CLN6: variants seen among roughly 807,000 people sequenced by gnomAD.
CLN6 encodes CLN6 transmembrane ER protein.
CLN6 carries 22 observed loss-of-function variants against 33.3 expected under a neutral mutation model. The ratio of observed to expected loss-of-function variants is 0.66; its 90% CI spans 0.47 to 0.94. The LOEUF (loss-of-function observed/expected upper bound fraction) is 0.94, where lower values mean the gene tolerates loss of function less well. Ranked by LOEUF, CLN6 falls within the 40% of genes least tolerant of loss-of-function variation. The pLI, the probability that CLN6 is intolerant of heterozygous loss-of-function variation, is 0.00. For synonymous variants in CLN6, 201 were observed against 174.6 expected, an observed-to-expected ratio of 1.15 and a Z score of -1.19; for missense variants, 387 against 417.1, an observed-to-expected ratio of 0.93 and a Z score of 0.63.
At chr15:68,229,410 C>T (rs1595826888) in intron 1 of CLN6, 92 bp downstream of exon 1, 1 of 1,056,112 alleles carries the variant, frequency 9.5e-7, no homozygotes, top group Non-Finnish European at 1.3e-6. Flanking sequence ...CACGAGGTTC[C>T]CGCCCGGCAG....
At chr15:68,238,905 A>C (rs965253944) in intron 1 of CLN6, among the ~76,000 whole-genome samples, 6 of 152,232 alleles carry the variant, frequency 3.9e-5, no homozygotes, top group African/African-American at 1.4e-4. Context: ...GATGGTGTAT[A>C]ATTTGTGGGG....
In CLN6 at chr15:68,211,165, C is replaced by T. The variant is rs929822230; in HGVS notation, c.542+98G>A. On this transcript the variant is annotated intron_variant, in intron 5 of 6. Transcript: ENST00000249806. This position sits in a 1 kb window ranked among gnomAD's most constrained non-coding sequence, Gnocchi z 5.9. The stretch of plus-strand genomic sequence containing the variant: ...GGATGAGACTCAACACATGGAGACC[C>T]GCAGCCCAGACAGCCTTGCTCAGTG... The T allele has an allele frequency of 6.8e-6, 7 of 1,030,150 alleles. No individual in the cohort carries two copies. The highest frequency in any genetic ancestry group is 7.7e-6 in the Non-Finnish European group (5 of 647,764). 63.8% of individuals were successfully genotyped at this position (1,030,150 alleles called of 1,614,324 possible). A position where few individuals can be genotyped will look rare whatever the true frequency, so the allele number is the denominator to read the frequency against.
chr15:68,238,956 T>C (rs1433874684), intron 1 of CLN6, among the ~76,000 whole-genome samples: 1 of 152,162 alleles, frequency 6.6e-6, no homozygotes, highest in African/African-American at 2.4e-5. Flanking sequence ...ATAATATTTA[T>C]AGATGGGGGA....
At chr15:68,254,625 C>A in intron 1 of CLN6, 1 of 645,684 alleles carries the variant, frequency 1.5e-6, no homozygotes, top group Admixed American at 2.4e-5. Context: ...GCCGTTGCCG[C>A]CACCACCGTG....
In CLN6 at chr15:68,210,251, C is replaced by G. The variant is rs1282155828; in HGVS notation, c.543-492G>C. Among the ~76,000 whole-genome samples the G allele has an allele frequency of 6.6e-6, 1 of 152,014 alleles. No individual in the cohort carries two copies. Among genetic ancestry groups the G allele is most frequent in the East Asian group, 1.9e-4 (1 of 5,178 alleles). Reference sequence around the variant, plus strand: ...CCTCACCCCAAAATACTACCCTCTCCCCTCTCCACACACCGGCTCCCTTTC... The same window carrying G: ...CCTCACCCCAAAATACTACCCTCTCGCCTCTCCACACACCGGCTCCCTTTC... On this transcript the variant is annotated intron_variant, in intron 5 of 6. Coordinates refer to ENST00000249806, the MANE Select transcript of CLN6 (RefSeq NM_017882.3). The surrounding 1 kb of genome is among the most constrained non-coding windows in gnomAD (Gnocchi z 5.6).
rs1475928336 is a variant in CLN6, at chr15:68,247,671, AC to A, written c.179+9018del. Among the ~76,000 whole-genome samples, 1 of 152,154 alleles carries A rather than the reference AC, an allele frequency of 6.6e-6. No homozygotes were observed. The highest frequency in any genetic ancestry group is 1.5e-5 in the Non-Finnish European group (1 of 68,034). ...GATGTTCTCAACAGAAATAGAAAAAACAATCCTAAAATTCATATGGAACCAC... is the reference window on the plus strand; with the variant it reads ...GATGTTCTCAACAGAAATAGAAAAAAAATCCTAAAATTCATATGGAACCAC... On this transcript the variant is annotated intron_variant, in intron 1 of 6. Coordinates refer to the CLN6 transcript ENST00000538696. This position sits in a 1 kb window ranked among gnomAD's most constrained non-coding sequence, Gnocchi z 4.2.
chr15:68,239,676 A>G (rs567540082), intron 1 of CLN6, among the ~76,000 whole-genome samples: 1 of 152,346 alleles, frequency 6.6e-6, no homozygotes, highest in Admixed American at 6.5e-5. Context: ...GGGTATTTCA[A>G]TACAATGCTC....
chr15:68,215,842 T>C (rs986128007), intron 2 of CLN6, among the ~76,000 whole-genome samples: 2 of 152,138 alleles, frequency 1.3e-5, no homozygotes, highest in Non-Finnish European at 2.9e-5. Flanking sequence ...GATGTATATA[T>C]GTGTTTGTAC....
At chr15:68,250,033 A>C (rs1288405492) in intron 1 of CLN6, among the ~76,000 whole-genome samples, 1 of 152,136 alleles carries the variant, frequency 6.6e-6, no homozygotes, top group East Asian at 1.9e-4. Flanking sequence ...GGCCTCCCAA[A>C]GTGCTGGGAT....
Position 68,209,642 on chromosome 15 carries a change from G to A in CLN6, c.660C>T (p.Tyr220=). 1.9e-6 allele frequency: 3 copies of A among 1,612,780 alleles called. No individual in the cohort carries two copies. Among genetic ancestry groups the A allele is most frequent in the Non-Finnish European group, 2.5e-6 (3 of 1,179,880 alleles). ...ALLLVAPSGL[Y]YWYLVTEGQI... ...CCATGCTGATGTCCACTCACCAGTA[G>A]TACAGGCCACTGGGTGCCACCAGGA... The change falls in exon 6 of 7, where the codon TAC becomes TAT. Residue 220 remains tyrosine, a synonymous_variant. Coordinates refer to ENST00000249806, the MANE Select transcript of CLN6 (RefSeq NM_017882.3). The surrounding 1 kb of genome is among the most constrained non-coding windows in gnomAD (Gnocchi z 4.9).
upstream of CLN6, chr15:68,229,757 A>AGGGAGGCGGG (rs2141156570): frequency 1.1e-5 from 1 of 94,944 alleles, no homozygotes; most frequent in East Asian, 7.4e-5. Context: ...GGCGGGGCGG[A>AGGGAGGCGGG]GCGGAGCGGA....
intron 1 of CLN6, among the ~76,000 whole-genome samples, chr15:68,245,214 T>G (rs1477056699): frequency 6.6e-6 from 1 of 151,300 alleles, no homozygotes. Context: ...AAGTTATCGG[T>G]TTTTTTGTAA....
chr15:68,218,204 C>CGA (rs2093225824), intron 2 of CLN6: 1 of 320,624 alleles, frequency 3.1e-6, no homozygotes, highest in African/African-American at 2.1e-5. Flanking sequence ...CTTTCCTATA[C>CGA]CCCTTTGTCT....
chr15:68,227,580 AC>A lies in CLN6; in HGVS notation c.83+1921del, dbSNP rs2093256013. On this transcript the variant is annotated intron_variant, in intron 1 of 6. Coordinates refer to ENST00000249806, the MANE Select transcript of CLN6 (RefSeq NM_017882.3). The surrounding 1 kb of genome is among the most constrained non-coding windows in gnomAD (Gnocchi z 4.1). ...GACAGAGAGCTCCCACCCTCACACC[AC>A]CCCCCTGGGAATACCCTGGCTGGTG... Among the ~76,000 whole-genome samples the A allele has an allele frequency of 6.6e-6, 1 of 151,604 alleles. No individual in the cohort carries two copies. The highest frequency in any genetic ancestry group is 6.6e-5 in the Admixed American group (1 of 15,194).
upstream of CLN6, among the ~76,000 whole-genome samples, chr15:68,233,496 A>G (rs776584900): frequency 3.9e-5 from 6 of 152,216 alleles, no homozygotes; most frequent in Non-Finnish European, 8.8e-5. The surrounding 1 kb of genome is among the most constrained non-coding windows in gnomAD (Gnocchi z 4.3). Context: ...TTAGAAGCCA[A>G]GCCAGGCCAG....
In CLN6 at chr15:68,247,939, A is replaced by T. The variant is rs1267393502; in HGVS notation, c.179+8751T>A. On this transcript the variant is annotated intron_variant, in intron 1 of 6. Coordinates refer to the CLN6 transcript ENST00000538696. This position sits in a 1 kb window ranked among gnomAD's most constrained non-coding sequence, Gnocchi z 4.2. The stretch of plus-strand genomic sequence containing the variant: ...GCTACTTGGGAGGCTGAGGCAGGAG[A>T]ATCACTTGAACCTGGGAGGTGGAGG... Among the ~76,000 whole-genome samples, 1 of 151,910 alleles carries T rather than the reference A, an allele frequency of 6.6e-6. No homozygotes were observed. Among genetic ancestry groups the T allele is most frequent in the African/African-American group, 2.4e-5 (1 of 41,352 alleles).
rs1299634879 is a variant in CLN6, at chr15:68,207,665, C to G, written c.*475G>C. 4 of 210,130 alleles carry G rather than the reference C, an allele frequency of 1.9e-5. No homozygotes were observed. Among genetic ancestry groups the G allele is most frequent in the African/African-American group, 9.2e-5 (4 of 43,662 alleles). 13.0% of individuals were successfully genotyped at this position (210,130 alleles called of 1,614,324 possible). A position where few individuals can be genotyped will look rare whatever the true frequency, so the allele number is the denominator to read the frequency against. On this transcript the variant is annotated 3_prime_UTR_variant, in exon 7 of 7. Transcript: ENST00000249806. ...TGCTTTGCTCAACAGCCACAGTAGG[C>G]TGACGTAACCTATGTAATGTAGGGT...
At position 68,229,727 on chromosome 15, in the gene CLN6, A is replaced by AGGCGGGGCTGCGGACCCGG. The variant is rs1451967045; in HGVS notation, c.-144_-143insCCGGGTCCGCAGCCCCGCC. ...AGAGCGCGCGGCCCTCGGGAGGAACAGGCGGGGCTGCGGACCCGGGGCGGG... is the reference window on the plus strand; with the variant it reads ...AGAGCGCGCGGCCCTCGGGAGGAACAGGCGGGGCTGCGGACCCGGGGCGGGGCTGCGGACCCGGGGCGGG... On this transcript the variant is annotated 5_prime_UTR_variant, in exon 1 of 7. Coordinates refer to ENST00000249806, the MANE Select transcript of CLN6 (RefSeq NM_017882.3). 4.1e-6 allele frequency: 2 copies of AGGCGGGGCTGCGGACCCGG among 483,132 alleles called. No individual in the cohort carries two copies. Among genetic ancestry groups the AGGCGGGGCTGCGGACCCGG allele is most frequent in the Non-Finnish European group, 3.2e-6 (1 of 317,268 alleles). 29.9% of individuals were successfully genotyped at this position (483,132 alleles called of 1,614,324 possible).
chr15:68,223,987 A>G (rs2141150879), intron 1 of CLN6, among the ~76,000 whole-genome samples: 1 of 150,610 alleles, frequency 6.6e-6, no homozygotes, highest in South Asian at 2.2e-4. Flanking sequence ...CGGAGGTTGC[A>G]GTGAGCCAGG....
Sources: allele counts gnomAD v4.1 joint callset (sites outside exome capture counted in the v4.1 genomes callset), GRCh38; gene constraint gnomAD v4.1.1; non-coding constraint Gnocchi (gnomAD v3.1); transcripts MANE v1.5; gene names NCBI Gene and HGNC (gene_info 2026-07-23, HGNC 2026-07-21).